The following STK17B variants were observed in gnomAD, a reference collection of about 807,000 sequenced individuals.
The protein encoded by STK17B is serine/threonine-protein kinase 17B.
In STK17B, 21 loss-of-function variants were observed where a neutral mutation model predicts 42.0. The observed-to-expected ratio is 0.50, with a 90% CI of 0.35 to 0.72. The LOEUF (loss-of-function observed/expected upper bound fraction) is 0.72. Among genes scored for constraint, STK17B ranks in the 30% least tolerant of loss-of-function variants. STK17B has a pLI of 0.00. For synonymous variants in STK17B, 143 were observed against 148.4 expected (o/e 0.96, Z 0.26); for missense variants, 349 against 446.0 (o/e 0.78, Z 1.96).
In STK17B at chr2:196,156,537, G is replaced by C; in HGVS notation, c.237C>G (p.His79Gln). ...TTGCCAATTCAAGCACAGCAATCTCGTGTAAAATTTCTGCTCGACAATCCT... is the reference window on the plus strand; with the variant it reads ...TTGCCAATTCAAGCACAGCAATCTCCTGTAAAATTTCTGCTCGACAATCCT... Reference protein sequence around the residue: ...RGQDCRAEILHEIAVLELAKS... With the variant: ...RGQDCRAEILQEIAVLELAKS... The change falls in exon 3 of 8, where the codon CAC (histidine) becomes CAG (glutamine). Residue 79 changes from histidine to glutamine, a missense_variant. His to Gln is a conservative substitution (Grantham distance 24, BLOSUM62 0). This residue lies in a region of STK17B where 256 missense variants were observed against 347.7 expected (regional missense o/e 0.74). Coordinates refer to ENST00000263955, the MANE Select transcript of STK17B (RefSeq NM_004226.4). 2 of 1,613,988 alleles carry C rather than the reference G, an allele frequency of 1.2e-6. No individual in the cohort carries two copies. Among genetic ancestry groups the C allele is most frequent in the South Asian group, 1.1e-5 (1 of 91,084 alleles).
chr2:196,172,069 T>C (rs1519603), upstream of STK17B, among the ~76,000 whole-genome samples: 2,700 of 152,304 alleles, frequency 0.018, 75 homozygotes, highest in African/African-American at 0.061. Context: ...ACCCTGTAAG[T>C]GGAGAACCCA....
At chr2:196,156,774 TTATC>T in intron 2 of STK17B, 123 bp from the exon 3 acceptor site, 2 of 757,634 alleles carry the variant, frequency 2.6e-6, no homozygotes, top group Non-Finnish European at 4.3e-6. Flanking sequence ...CATTAGGAAT[TTATC>T]TTTGTTCTCT....
At position 196,133,808 on chromosome 2, in the gene STK17B, TAAGC is replaced by T. The variant is rs1366132654; in HGVS notation, c.*3635_*3638del. ...CATAATAATGTCTGTCTATATGCCT[TAAGC>T]AAGATTATTATTTAATAAAATATGG... On this transcript the variant is annotated 3_prime_UTR_variant, in exon 8 of 8. Transcript: ENST00000263955. 1 of 152,230 alleles carries T rather than the reference TAAGC, an allele frequency of 6.6e-6. No individual in the cohort carries two copies. The highest frequency in any genetic ancestry group is 2.4e-5 in the African/African-American group (1 of 41,464). 9.4% of individuals were successfully genotyped at this position (152,230 alleles called of 1,614,324 possible). A position where few individuals can be genotyped will look rare whatever the true frequency, so the allele number is the denominator to read the frequency against.
chr2:196,141,189 C>A (rs1054457197), intron 6 of STK17B, 60 bp downstream of exon 6: 1 of 1,327,552 alleles, frequency 7.5e-7, no homozygotes. Context: ...TCAAAGAACC[C>A]CAGAATATAC....
At chr2:196,165,323 T>A (rs546283214) in intron 1 of STK17B, among the ~76,000 whole-genome samples, 1 of 152,264 alleles carries the variant, frequency 6.6e-6, no homozygotes, top group Admixed American at 6.5e-5. Context: ...GCCTCCAGAA[T>A]CGTTGAGAAA....
chr2:196,174,864 A>G (rs1286746820), upstream of STK17B, among the ~76,000 whole-genome samples: 4 of 152,244 alleles, frequency 2.6e-5, no homozygotes, highest in African/African-American at 9.6e-5. Context: ...TTGTCTGATG[A>G]GAGTAATAAC....
At chr2:196,172,850 T>A (rs1699964528), upstream of STK17B, among the ~76,000 whole-genome samples, 1 of 152,222 alleles carries the variant, frequency 6.6e-6, no homozygotes, top group Non-Finnish European at 1.5e-5. Context: ...TGGAATTAAC[T>A]TTTCTGGGGT....
rs1699465808 is a variant in STK17B at position 196,139,790 on chromosome 2, A to G, written c.666T>C (p.Gly222=). Residue 222 remains glycine, a synonymous_variant, in exon 7 of 8, where the codon GGT becomes GGC. Coordinates refer to ENST00000263955, the MANE Select transcript of STK17B (RefSeq NM_004226.4). ...GAGTTAACAACATATATGCTATTAT[A>G]CCAATATTCCTGAAAAACAAGGGAG... ...ITTATDMWNI[G]IIAYMLLTHT... 3 of 1,380,782 alleles carry G rather than the reference A, an allele frequency of 2.2e-6. No individual in the cohort carries two copies. The highest frequency in any genetic ancestry group is 3.0e-5 in the African/African-American group (2 of 67,404). 85.5% of individuals were successfully genotyped at this position (1,380,782 alleles called of 1,614,324 possible). A position where few individuals can be genotyped will look rare whatever the true frequency, so the allele number is the denominator to read the frequency against.
At chr2:196,161,848 G>A (rs754776299) in intron 2 of STK17B, among the ~76,000 whole-genome samples, 16 of 151,864 alleles carry the variant, frequency 1.1e-4, no homozygotes, top group Non-Finnish European at 2.1e-4. Flanking sequence ...CAAAAGAAAG[G>A]CTGCATCCAA....
chr2:196,136,865 A>G lies in STK17B; in HGVS notation c.*582T>C, dbSNP rs1175610488. 2.0e-5 allele frequency: 3 copies of G among 152,308 alleles called. No individual in the cohort carries two copies. Among genetic ancestry groups the G allele is most frequent in the African/African-American group, 7.2e-5 (3 of 41,466 alleles). The allele number at this position is 152,308 out of a possible 1,614,324, so 9.4% of individuals were successfully genotyped here. On this transcript the variant is annotated 3_prime_UTR_variant, in exon 8 of 8. Transcript: ENST00000263955. ...TTCTAACTCCCTCTTTGCTCTAGTTAAAGGATCTCTCTCATATAACAGACC... is the reference window on the plus strand; with the variant it reads ...TTCTAACTCCCTCTTTGCTCTAGTTGAAGGATCTCTCTCATATAACAGACC...
intron 1 of STK17B, among the ~76,000 whole-genome samples, chr2:196,164,592 T>C (rs1320233106): frequency 1.3e-5 from 2 of 152,222 alleles, no homozygotes; most frequent in Non-Finnish European, 2.9e-5. Context: ...CGCTAAGCAT[T>C]TGTTCCTCCT....
rs1185976696 is a variant in STK17B at position 196,134,268 on chromosome 2, G to C, written c.*3179C>G. Reference sequence around the variant, plus strand: ...GGCACAAGTACCTTATTACTGACTAGAGCAGGGGTCCCCAGTCCCCAGGCC... The same window carrying C: ...GGCACAAGTACCTTATTACTGACTACAGCAGGGGTCCCCAGTCCCCAGGCC... On this transcript the variant is annotated 3_prime_UTR_variant, in exon 8 of 8. Transcript: ENST00000263955. 1.3e-5 allele frequency: 2 copies of C among 151,870 alleles called. No individual in the cohort carries two copies. The highest frequency in any genetic ancestry group is 2.9e-5 in the Non-Finnish European group (2 of 68,012). The allele number at this position is 151,870 out of a possible 1,614,324, so 9.4% of individuals were successfully genotyped here. A position where few individuals can be genotyped will look rare whatever the true frequency, so the allele number is the denominator to read the frequency against.
chr2:196,138,318 T>G (rs939003718), intron 7 of STK17B, among the ~76,000 whole-genome samples: 19 of 152,216 alleles, frequency 1.2e-4, no homozygotes, highest in African/African-American at 4.6e-4. Flanking sequence ...TTTTTCCACA[T>G]CAGTACAGAG....
At chr2:196,157,002 T>C (rs1192773760) in intron 2 of STK17B, among the ~76,000 whole-genome samples, 1 of 152,108 alleles carries the variant, frequency 6.6e-6, no homozygotes, top group East Asian at 1.9e-4. Flanking sequence ...CTGTCTCTAC[T>C]AAAAATATAA....
At chr2:196,149,005 G>C (rs1014928752) in intron 3 of STK17B, among the ~76,000 whole-genome samples, 6 of 152,118 alleles carry the variant, frequency 3.9e-5, no homozygotes, top group Admixed American at 6.5e-5. Flanking sequence ...ACTGTAATGT[G>C]AATAATAGAA....
upstream of STK17B, among the ~76,000 whole-genome samples, chr2:196,172,920 C>T (rs770950153): frequency 2.0e-5 from 3 of 152,132 alleles, no homozygotes; most frequent in Non-Finnish European, 4.4e-5. Flanking sequence ...ATAGGTGTTG[C>T]ATTCCAGAGG....
chr2:196,166,250 C>A (rs910155086), intron 1 of STK17B: 1 of 152,210 alleles, frequency 6.6e-6, no homozygotes, highest in East Asian at 1.9e-4. Context: ...CCTTTGTCCA[C>A]CAAGCCCTCC....
chr2:196,150,666 T>C (rs1282797571), intron 3 of STK17B, among the ~76,000 whole-genome samples: 1 of 152,144 alleles, frequency 6.6e-6, no homozygotes, highest in Non-Finnish European at 1.5e-5. Flanking sequence ...AAAATGCAAA[T>C]CTAGTCATAT....
chr2:196,148,273 A>C (rs1295039911), intron 3 of STK17B, among the ~76,000 whole-genome samples: 1 of 152,094 alleles, frequency 6.6e-6, no homozygotes, highest in Non-Finnish European at 1.5e-5. Flanking sequence ...ACCCCTTCTC[A>C]AGGTCTCCTG....
Sources: gnomAD v4.1 joint callset for allele counts (sites outside exome capture counted in the v4.1 genomes callset) on GRCh38, gnomAD v4.1.1 for gene constraint, gnomAD v4.1.1 regional missense constraint, MANE v1.5 for transcripts, NCBI Gene and HGNC (gene_info 2026-07-23, HGNC 2026-07-21) for gene names.